AJAP1: variants seen among roughly 807,000 people sequenced by gnomAD.
AJAP1 encodes the protein adherens junctions associated protein 1, also known as adherens junction-associated protein 1.
In AJAP1, 5 loss-of-function variants were observed where a neutral mutation model predicts 35.0. The observed-to-expected ratio is 0.14, with a 90% CI of 0.07 to 0.30. AJAP1 has a LOEUF of 0.30. Among genes scored for constraint, AJAP1 ranks in the 10% least tolerant of loss-of-function variants. The pLI is 1.00. For missense variants in AJAP1, 586 were observed against 571.0 expected (o/e 1.03, Z -0.27); for synonymous variants, 284 against 249.3 (o/e 1.14, Z -1.31).
intron 1 of AJAP1, among the ~76,000 whole-genome samples, chr1:4,700,940 G>T (rs957839427): frequency 1.3e-5 from 2 of 152,172 alleles, no homozygotes; most frequent in African/African-American, 4.8e-5. Flanking sequence ...AGCAGCAGAG[G>T]CTCAGCTAAG....
chr1:4,770,215 A>G (rs570714770), intron 3 of AJAP1, among the ~76,000 whole-genome samples: 1 of 152,064 alleles, frequency 6.6e-6, no homozygotes, highest in African/African-American at 2.4e-5. Flanking sequence ...TCTGGATCCA[A>G]GTGTCCCTTG....
chr1:4,684,645 C>T (rs1432368083), intron 1 of AJAP1, among the ~76,000 whole-genome samples: 3 of 152,166 alleles, frequency 2.0e-5, no homozygotes, highest in Middle Eastern at 3.2e-3. Context: ...CAGCTTCTCA[C>T]GTGCCTCCAA....
At chr1:4,703,643 C>CG (rs1246561282) in intron 1 of AJAP1, among the ~76,000 whole-genome samples, 1 of 152,122 alleles carries the variant, frequency 6.6e-6, no homozygotes, top group Admixed American at 6.5e-5. Context: ...TATCAGCGAG[C>CG]GGGAGGTTAG....
rs1642193783 is a variant in AJAP1 at position 4,787,884 on chromosome 1, C to T, written c.*5399C>T. On this transcript the variant is annotated 3_prime_UTR_variant, in exon 6 of 6. Transcript: ENST00000378191. ...ACTGAGCTCACTTAGTGGCATCCTT[C>T]TTAAACAGCATCTGCTTTTAAGTAA... 2.7e-6 allele frequency: 1 copy of T among 376,332 alleles called. No homozygotes were observed. Among genetic ancestry groups the T allele is most frequent in the Admixed American group, 3.2e-5 (1 of 30,884 alleles). The allele number at this position is 376,332 out of a possible 1,614,324, so 23.3% of individuals were successfully genotyped here.
chr1:4,764,983 A>G (rs1272392059), intron 2 of AJAP1, among the ~76,000 whole-genome samples: 3 of 152,180 alleles, frequency 2.0e-5, no homozygotes, highest in Non-Finnish European at 4.4e-5. Context: ...TAAAAGCCCT[A>G]TTGATTGATG....
chr1:4,788,953 G>A lies in AJAP1; in HGVS notation c.*6468G>A, dbSNP rs1642212085. Reference sequence around the variant, plus strand: ...ACTCGGTGGTGATGGGCCTGTTTTGGAGCTAAAAGCATAAAATGAATCCTC... The same window carrying A: ...ACTCGGTGGTGATGGGCCTGTTTTGAAGCTAAAAGCATAAAATGAATCCTC... On this transcript the variant is annotated 3_prime_UTR_variant, in exon 6 of 6. Transcript: ENST00000378191. 6.6e-6 allele frequency: 1 copy of A among 152,238 alleles called. No homozygotes were observed. Among genetic ancestry groups the A allele is most frequent in the South Asian group, 2.1e-4 (1 of 4,816 alleles). The allele number at this position is 152,238 out of a possible 1,614,324, so 9.4% of individuals were successfully genotyped here. A position where few individuals can be genotyped will look rare whatever the true frequency, so the allele number is the denominator to read the frequency against.
intron 2 of AJAP1, among the ~76,000 whole-genome samples, chr1:4,767,506 TCATCACCATCACCACCAC>T (rs1010934210): frequency 8.7e-5 from 13 of 149,592 alleles, no homozygotes; most frequent in African/African-American, 3.2e-4. Flanking sequence ...ATTATCACCA[TCATCACCATCACCACCAC>T]CATCACCATT....
At chr1:4,714,378 T>C (rs242058) in intron 2 of AJAP1, among the ~76,000 whole-genome samples, 125,449 of 152,192 alleles carry the variant, frequency 0.82, 52,079 homozygotes, top group East Asian at 1. Flanking sequence ...TGTTCATTTT[T>C]ACCTCAGTAA....
chr1:4,791,936 C>T lies in AJAP1; in HGVS notation c.*9451C>T, dbSNP rs1349260806. Reference sequence around the variant, plus strand: ...GAACTAGAAATTCACAAACCTGAAGCTGAACCACAGGACAAGAAATTAAAC... The same window carrying T: ...GAACTAGAAATTCACAAACCTGAAGTTGAACCACAGGACAAGAAATTAAAC... On this transcript the variant is annotated 3_prime_UTR_variant, in exon 6 of 6. Transcript: ENST00000378191. The T allele has an allele frequency of 6.6e-6, 1 of 152,212 alleles. No individual in the cohort carries two copies. Among genetic ancestry groups the T allele is most frequent in the Non-Finnish European group, 1.5e-5 (1 of 68,042 alleles). 9.4% of individuals were successfully genotyped at this position (152,212 alleles called of 1,614,324 possible).
rs1262017195 is a variant in AJAP1 at position 4,774,455 on chromosome 1, C to T, written c.1192C>T (p.Pro398Ser). 1.2e-6 allele frequency: 2 copies of T among 1,614,118 alleles called. No homozygotes were observed. Among genetic ancestry groups the T allele is most frequent in the Admixed American group, 1.7e-5 (1 of 60,016 alleles). Residue 398 changes from proline (P) to serine (S), a missense_variant, in exon 5 of 6, where the codon CCT becomes TCT. Transcript: ENST00000378191. ...CTCCTCTTCTGATCGGCATCTTATTCCTGTGGCCTTCGTGTCTGAGAAATG... is the reference window on the plus strand; with the variant it reads ...CTCCTCTTCTGATCGGCATCTTATTTCTGTGGCCTTCGTGTCTGAGAAATG... ...RPSSSDRHLI[P>S]VAFVSEKWFE...
At chr1:4,770,052 G>A (rs1203366709) in intron 3 of AJAP1, 112 bp downstream of exon 3, 1 of 960,354 alleles carries the variant, frequency 1.0e-6, no homozygotes, top group Non-Finnish European at 1.6e-6. Context: ...GCTGGCTTCT[G>A]CCCTGGGCAG....
Position 4,769,898 on chromosome 1 carries a change from T to C in AJAP1, c.875T>C (p.Met292Thr), listed in dbSNP as rs780358493. 1.2e-6 allele frequency: 2 copies of C among 1,614,166 alleles called. No homozygotes were observed. The highest frequency in any genetic ancestry group is 8.5e-7 in the Non-Finnish European group (1 of 1,180,002). The change falls in exon 3 of 6, where the codon ATG becomes ACG. Residue 292 changes from methionine (M) to threonine (T), a missense_variant. Met to Thr is a moderately conservative substitution (Grantham distance 81). Transcript: ENST00000378191. ...ATCACCATCACCGTCTCCCTCATCATGGTCATAGCTGCTCTCATCACAACT... is the reference window on the plus strand; with the variant it reads ...ATCACCATCACCGTCTCCCTCATCACGGTCATAGCTGCTCTCATCACAACT... The part of the protein sequence containing the change: ...QIITITVSLI[M>T]VIAALITTLV...
intron 2 of AJAP1, among the ~76,000 whole-genome samples, chr1:4,732,736 C>T (rs1314457400): frequency 6.6e-6 from 1 of 152,230 alleles, no homozygotes; most frequent in Non-Finnish European, 1.5e-5. Flanking sequence ...TCACAGAGTC[C>T]AGAGCCTCAG....
intron 2 of AJAP1, among the ~76,000 whole-genome samples, chr1:4,750,155 T>C (rs1320370439): frequency 6.6e-6 from 1 of 152,206 alleles, no homozygotes; most frequent in Non-Finnish European, 1.5e-5. Flanking sequence ...TGTGCATTTG[T>C]CCCTGGCCAT....
At chr1:4,731,751 A>C (rs1460961683) in intron 2 of AJAP1, among the ~76,000 whole-genome samples, 1 of 152,254 alleles carries the variant, frequency 6.6e-6, no homozygotes, top group East Asian at 1.9e-4. Flanking sequence ...CTAGAGAAGC[A>C]CACAGGGCCG....
intron 2 of AJAP1, among the ~76,000 whole-genome samples, chr1:4,717,820 C>T (rs1462513675): frequency 6.6e-6 from 1 of 152,188 alleles, no homozygotes; most frequent in Non-Finnish European, 1.5e-5. Context: ...GCAGATGTCA[C>T]AGGGAGAGAC....
chr1:4,689,842 G>A (rs373367866), intron 1 of AJAP1, among the ~76,000 whole-genome samples: 18 of 152,322 alleles, frequency 1.2e-4, no homozygotes, highest in African/African-American at 3.6e-4. Context: ...CCCCTCTCGC[G>A]GATGCCCAGC....
chr1:4,657,655 T>C (rs893354343), intron 1 of AJAP1, among the ~76,000 whole-genome samples: 2 of 125,640 alleles, frequency 1.6e-5, no homozygotes, highest in East Asian at 5.3e-4. Flanking sequence ...CCAGCTGGGG[T>C]GGCAGAAGGC....
intron 1 of AJAP1, among the ~76,000 whole-genome samples, chr1:4,677,433 T>G (rs72637576): frequency 0.081 from 12,287 of 152,070 alleles, 698 homozygotes; most frequent in East Asian, 0.22. Context: ...ATTGCTTTTA[T>G]TTGTAGTAAA....
Sources: gnomAD v4.1 joint callset for allele counts (sites outside exome capture counted in the v4.1 genomes callset) on GRCh38, gnomAD v4.1.1 for gene constraint, MANE v1.5 for transcripts, NCBI Gene and HGNC (gene_info 2026-07-23, HGNC 2026-07-21) for gene names.